GABRB3: variants seen among roughly 807,000 people sequenced by gnomAD.
GABRB3 encodes gamma-aminobutyric acid receptor subunit beta-3.
Under a neutral mutation model 52.1 loss-of-function variants are expected in GABRB3, and 14 were observed. The observed-to-expected ratio is 0.27, with a 90% CI of 0.18 to 0.42. GABRB3 has a LOEUF of 0.42. Among genes scored for constraint, GABRB3 ranks in the 10% least tolerant of loss-of-function variants. GABRB3 has a pLI of 1.00. For missense variants in GABRB3, 307 were observed against 609.1 expected (o/e 0.50, Z 5.22); for synonymous variants, 260 against 232.3 (o/e 1.12, Z -1.08).
chr15:26,655,538 C>G (rs1220930655), intron 3 of GABRB3, among the ~76,000 whole-genome samples: 1 of 152,022 alleles, frequency 6.6e-6, no homozygotes, highest in Non-Finnish European at 1.5e-5. Context: ...GTCAGGAGAT[C>G]GAGACCATCC....
chr15:26,570,169 T>A (rs1400248419), intron 6 of GABRB3, among the ~76,000 whole-genome samples: 1 of 152,228 alleles, frequency 6.6e-6, no homozygotes, highest in Non-Finnish European at 1.5e-5. Flanking sequence ...AAGTTCACAA[T>A]ACAGATCTAC....
At chr15:26,674,499 G>A (rs1888007386) in intron 3 of GABRB3, among the ~76,000 whole-genome samples, 1 of 148,312 alleles carries the variant, frequency 6.7e-6, no homozygotes, top group Non-Finnish European at 1.5e-5. Context: ...AGAAAGAAAA[G>A]GAAAAGGAAA....
intron 4 of GABRB3, among the ~76,000 whole-genome samples, chr15:26,606,808 A>C (rs117734236): frequency 2.7e-3 from 227 of 84,490 alleles, no homozygotes; most frequent in East Asian, 8.2e-3. Flanking sequence ...ATATATCTAT[A>C]GATAGATAGA....
At chr15:26,668,991 A>G (rs1887803192) in intron 3 of GABRB3, among the ~76,000 whole-genome samples, 1 of 152,228 alleles carries the variant, frequency 6.6e-6, no homozygotes. Context: ...ATGCATCCAG[A>G]TAACTATTGT....
chr15:26,761,206 A>T (rs1440442850), intron 3 of GABRB3, among the ~76,000 whole-genome samples: 1 of 152,140 alleles, frequency 6.6e-6, no homozygotes, highest in Non-Finnish European at 1.5e-5. Context: ...CAGCCTGGCC[A>T]ACATAGTGAA....
In GABRB3 at chr15:26,746,848, G is replaced by T. The variant is rs183388512; in HGVS notation, c.240+25554C>A. On this transcript the variant is annotated intron_variant, in intron 3 of 8. Coordinates refer to ENST00000311550, the MANE Select transcript of GABRB3 (RefSeq NM_000814.6). ...TAAAAATACAAAAAATTAGCCGGGC[G>T]TGGTGGCGGGCACCTGTAGTCCAGC... 3.4e-3 allele frequency among the ~76,000 whole-genome samples: 523 copies of T among 152,142 alleles called. 4 individuals are homozygous for T. Among genetic ancestry groups the T allele is most frequent in the African/African-American group, 0.011 (463 of 41,502 alleles).
At chr15:26,705,882 C>G (rs1221413116) in intron 3 of GABRB3, among the ~76,000 whole-genome samples, 1 of 151,860 alleles carries the variant, frequency 6.6e-6, no homozygotes, top group Non-Finnish European at 1.5e-5. Flanking sequence ...CAATAGATAC[C>G]AGAAACTCCA....
intron 3 of GABRB3, among the ~76,000 whole-genome samples, chr15:26,749,257 C>G (rs769486674): frequency 6.6e-6 from 1 of 151,388 alleles, no homozygotes; most frequent in Non-Finnish European, 1.5e-5. Flanking sequence ...ATTTTATTTT[C>G]TTTGAGACTT....
chr15:26,746,049 A>T (rs1180744840), intron 3 of GABRB3, among the ~76,000 whole-genome samples: 1 of 152,084 alleles, frequency 6.6e-6, no homozygotes, highest in African/African-American at 2.4e-5. Flanking sequence ...TGGCTGTATG[A>T]TTTTCTAATT....
chr15:26,624,686 T>G (rs1892618680), intron 3 of GABRB3: 1 of 983,736 alleles, frequency 1.0e-6, no homozygotes. Context: ...CCGCTGCATG[T>G]GATCAGCCAT....
intron 6 of GABRB3, among the ~76,000 whole-genome samples, chr15:26,578,367 T>C (rs938342134): frequency 1.3e-5 from 2 of 152,190 alleles, no homozygotes; most frequent in African/African-American, 4.8e-5. Context: ...ACTCAGTATG[T>C]GCTGGAAGGA....
intron 3 of GABRB3, among the ~76,000 whole-genome samples, chr15:26,678,621 C>T (rs1017157540): frequency 6.6e-6 from 1 of 151,340 alleles, no homozygotes; most frequent in Non-Finnish European, 1.5e-5. Flanking sequence ...GAAGAAAAAC[C>T]GAGAGAAAGC....
At chr15:26,668,656 G>A (rs995064154) in intron 3 of GABRB3, among the ~76,000 whole-genome samples, 2 of 152,114 alleles carry the variant, frequency 1.3e-5, no homozygotes, top group African/African-American at 2.4e-5. Context: ...GAATTAATGT[G>A]TACTCCACAA....
At chr15:26,769,015 T>C (rs1891071933) in intron 3 of GABRB3, among the ~76,000 whole-genome samples, 1 of 152,206 alleles carries the variant, frequency 6.6e-6, no homozygotes, top group Non-Finnish European at 1.5e-5. Flanking sequence ...TGTGTTTATT[T>C]GAGATCAGAG....
chr15:26,629,034 G>C, intron 3 of GABRB3: 1 of 1,536,152 alleles, frequency 6.5e-7, no homozygotes, highest in Non-Finnish European at 8.7e-7. Context: ...CGGTATCCCG[G>C]TGCTGAGGTC....
intron 3 of GABRB3, among the ~76,000 whole-genome samples, chr15:26,699,388 C>T (rs1888852340): frequency 6.6e-6 from 1 of 151,814 alleles, no homozygotes; most frequent in African/African-American, 2.4e-5. Context: ...ATCCAGTACT[C>T]AGCAAGTTAA....
intron 6 of GABRB3, among the ~76,000 whole-genome samples, chr15:26,579,867 T>G (rs1204082335): frequency 6.6e-6 from 1 of 152,136 alleles, no homozygotes; most frequent in African/African-American, 2.4e-5. Context: ...CAAGGCGGAC[T>G]GGAGGTGGCG....
chr15:26,761,826 C>T (rs1027538008), intron 3 of GABRB3, among the ~76,000 whole-genome samples: 7 of 151,516 alleles, frequency 4.6e-5, no homozygotes, highest in Admixed American at 2.0e-4. Context: ...CACCTCTATC[C>T]CTCTTATTTA....
intron 6 of GABRB3, among the ~76,000 whole-genome samples, chr15:26,575,207 T>G (rs1890551648): frequency 6.6e-6 from 1 of 152,216 alleles, no homozygotes; most frequent in Non-Finnish European, 1.5e-5. Context: ...AAGAAGTCTG[T>G]CTTCTGTAAT....
Sources: allele counts gnomAD v4.1 joint callset (sites outside exome capture counted in the v4.1 genomes callset), GRCh38; gene constraint gnomAD v4.1.1; transcripts MANE v1.5; gene names NCBI Gene and HGNC (gene_info 2026-07-23, HGNC 2026-07-21).